The following PTPRD variants were observed in gnomAD, a reference collection of about 807,000 sequenced individuals.
PTPRD encodes the protein protein tyrosine phosphatase receptor type D.
Under a neutral mutation model 214.5 loss-of-function variants are expected in PTPRD, and 34 were observed. The ratio of observed to expected loss-of-function variants is 0.16; its 90% CI spans 0.12 to 0.21. The LOEUF (loss-of-function observed/expected upper bound fraction) is 0.21, where lower values mean the gene tolerates loss of function less well. Ranked by LOEUF, PTPRD falls within the 10% of genes least tolerant of loss-of-function variation. The pLI is 1.00. For missense variants in PTPRD, 2,545 were observed against 2,398.7 expected (o/e 1.06, Z -1.27); for synonymous variants, 1,128 against 845.7 (o/e 1.33, Z -5.79).
intron 3 of PTPRD, among the ~76,000 whole-genome samples, chr9:10,121,887 T>G (rs2098778524): frequency 6.6e-6 from 1 of 152,124 alleles, no homozygotes; most frequent in Non-Finnish European, 1.5e-5. Context: ...GAATCCCCAC[T>G]CTGACTTTGA....
intron 9 of PTPRD, among the ~76,000 whole-genome samples, chr9:9,342,103 C>T: frequency 6.6e-6 from 1 of 152,092 alleles, no homozygotes; most frequent in Non-Finnish European, 1.5e-5. Context: ...GCCACCACAC[C>T]CAGCCAAGAT....
chr9:8,846,252 G>GT (rs1207102298), intron 11 of PTPRD, among the ~76,000 whole-genome samples: 1 of 152,158 alleles, frequency 6.6e-6, no homozygotes, highest in Admixed American at 6.5e-5. Context: ...CAGATGGGTT[G>GT]TAAGATTTGG....
At chr9:9,656,549 A>G (rs1422311351) in intron 7 of PTPRD, among the ~76,000 whole-genome samples, 1 of 152,190 alleles carries the variant, frequency 6.6e-6, no homozygotes, top group Non-Finnish European at 1.5e-5. Flanking sequence ...ATGAAATTCT[A>G]AAAAATAATA....
chr9:10,291,422 G>A (rs2095524598), intron 3 of PTPRD, among the ~76,000 whole-genome samples: 1 of 152,118 alleles, frequency 6.6e-6, no homozygotes, highest in African/African-American at 2.4e-5. Flanking sequence ...ATGATTAAGG[G>A]AAGATATTGA....
intron 3 of PTPRD, among the ~76,000 whole-genome samples, chr9:10,187,727 T>C (rs73641870): frequency 0.015 from 2,234 of 152,314 alleles, 55 homozygotes; most frequent in African/African-American, 0.051. Flanking sequence ...GATGCTCCTC[T>C]GCTTTCATGG....
At chr9:10,004,634 C>CACCAA (rs2096426694) in intron 4 of PTPRD, among the ~76,000 whole-genome samples, 1 of 151,742 alleles carries the variant, frequency 6.6e-6, no homozygotes, top group Non-Finnish European at 1.5e-5. Flanking sequence ...AACACACACA[C>CACCAA]ACACCGCACA....
At chr9:9,910,922 C>A (rs4741000) in intron 5 of PTPRD, among the ~76,000 whole-genome samples, 41,664 of 151,746 alleles carry the variant, frequency 0.27, 6,144 homozygotes, top group East Asian at 0.38. Flanking sequence ...GCTCGAGTAG[C>A]GTAGTTCTCA....
intron 11 of PTPRD, among the ~76,000 whole-genome samples, chr9:8,969,872 T>C (rs1393162500): frequency 6.6e-6 from 1 of 151,966 alleles, no homozygotes; most frequent in East Asian, 1.9e-4. Flanking sequence ...AAGCAGGAGA[T>C]AGATATCCAA....
chr9:9,862,910 T>C (rs1488911960), intron 5 of PTPRD, among the ~76,000 whole-genome samples: 1 of 152,196 alleles, frequency 6.6e-6, no homozygotes, highest in Non-Finnish European at 1.5e-5. Context: ...CACAACAAAA[T>C]ATTTGGGGCA....
At chr9:9,647,113 T>C (rs2096210583) in intron 7 of PTPRD, among the ~76,000 whole-genome samples, 1 of 152,190 alleles carries the variant, frequency 6.6e-6, no homozygotes, top group South Asian at 2.1e-4. Flanking sequence ...CTGTTGTTGA[T>C]GTCTAGGCTA....
chr9:9,246,157 A>C (rs2099972967), intron 9 of PTPRD, among the ~76,000 whole-genome samples: 1 of 152,024 alleles, frequency 6.6e-6, no homozygotes, highest in Non-Finnish European at 1.5e-5. Flanking sequence ...GGTAGAGTGA[A>C]TTCATTATTA....
intron 3 of PTPRD, among the ~76,000 whole-genome samples, chr9:10,070,877 G>C (rs963652935): frequency 2.0e-5 from 3 of 151,928 alleles, no homozygotes. Context: ...TAAAAAAATA[G>C]AGTCATGAGT....
At chr9:9,522,837 G>A (rs957554953) in intron 8 of PTPRD, among the ~76,000 whole-genome samples, 11 of 152,234 alleles carry the variant, frequency 7.2e-5, no homozygotes, top group African/African-American at 2.4e-4. Context: ...ATTATGAATT[G>A]AGGGATTTCT....
chr9:8,523,297 C>G (rs971121956), intron 19 of PTPRD, among the ~76,000 whole-genome samples: 1 of 152,020 alleles, frequency 6.6e-6, no homozygotes, highest in Non-Finnish European at 1.5e-5. Context: ...TAAGTGTTAC[C>G]AGTTACCATG....
At chr9:9,532,296 C>G (rs1360096033) in intron 8 of PTPRD, among the ~76,000 whole-genome samples, 1 of 152,060 alleles carries the variant, frequency 6.6e-6, no homozygotes, top group Non-Finnish European at 1.5e-5. Flanking sequence ...TTAAAACATT[C>G]AGTTACCAAA....
intron 3 of PTPRD, among the ~76,000 whole-genome samples, chr9:10,140,087 A>C (rs894859415): frequency 4.6e-5 from 7 of 151,966 alleles, no homozygotes; most frequent in South Asian, 4.1e-4. Flanking sequence ...GTTTCTCTTG[A>C]TGTGAAGAAG....
At chr9:9,197,484 C>T (rs913212424) in intron 9 of PTPRD, among the ~76,000 whole-genome samples, 4 of 136,974 alleles carry the variant, frequency 2.9e-5, no homozygotes, top group East Asian at 2.2e-4. Context: ...AATCTTTGCT[C>T]ACTGCAATAT....
intron 14 of PTPRD, among the ~76,000 whole-genome samples, chr9:8,563,341 G>A (rs1209073296): frequency 6.6e-6 from 1 of 151,552 alleles, no homozygotes; most frequent in Non-Finnish European, 1.5e-5. Flanking sequence ...ATGTGCAGTT[G>A]ATCACATATC....
At chr9:10,016,973 T>A (rs2096731148) in intron 4 of PTPRD, among the ~76,000 whole-genome samples, 1 of 152,138 alleles carries the variant, frequency 6.6e-6, no homozygotes, top group South Asian at 2.1e-4. Context: ...CTATTGTACA[T>A]TTGTAAGCAT....
Sources: gnomAD v4.1 joint callset for allele counts (sites outside exome capture counted in the v4.1 genomes callset) on GRCh38, gnomAD v4.1.1 for gene constraint, MANE v1.5 for transcripts, NCBI Gene and HGNC (gene_info 2026-07-23, HGNC 2026-07-21) for gene names.